Variants in ZBBX observed in about 807,000 individuals in gnomAD.
The protein encoded by ZBBX is zinc finger B-box domain containing, also known as zinc finger B-box domain-containing protein 1.
In ZBBX, 101 loss-of-function variants were observed where a neutral mutation model predicts 108.5. The ratio of observed to expected loss-of-function variants is 0.93; its 90% confidence interval spans 0.79 to 1.10. The LOEUF (loss-of-function observed/expected upper bound fraction) is 1.10. ZBBX is among the 50% of genes least tolerant of loss of function. The pLI is 0.00. For synonymous variants in ZBBX, 356 were observed against 323.4 expected (o/e 1.10, Z -1.08); for missense variants, 1,009 against 941.4 (o/e 1.07, Z -0.94).
intron 16 of ZBBX, 51 bp downstream of exon 16, chr3:167,313,923 A>G (rs1178222709): frequency 6.9e-7 from 1 of 1,457,094 alleles, no homozygotes; most frequent in Admixed American, 2.4e-5. Flanking sequence ...CTGCAATAGT[A>G]AATTATCAAC....
chr3:167,217,891 A>ATTT, the ZBBX span, among the ~76,000 whole-genome samples: 2 of 141,850 alleles, frequency 1.4e-5, no homozygotes, highest in African/African-American at 2.6e-5. Context: ...TGTTCTCACT[A>ATTT]TTTTTTTTTT....
the ZBBX span, among the ~76,000 whole-genome samples, chr3:167,193,613 C>T: frequency 6.6e-6 from 1 of 152,084 alleles, no homozygotes; most frequent in Non-Finnish European, 1.5e-5. Context: ...AGTCAGCTTG[C>T]TTCTCCACCA....
intron 20 of ZBBX, among the ~76,000 whole-genome samples, chr3:167,271,572 C>G (rs73879647): frequency 0.017 from 2,630 of 152,288 alleles, 75 homozygotes; most frequent in African/African-American, 0.06. Flanking sequence ...TCCTGCCTCA[C>G]TTGCATCAAG....
chr3:167,315,385 A>G (rs1256864316), intron 15 of ZBBX, among the ~76,000 whole-genome samples: 1 of 152,160 alleles, frequency 6.6e-6, no homozygotes, highest in Non-Finnish European at 1.5e-5. Context: ...TTTAGGGTTC[A>G]TAGAAAACTG....
chr3:167,264,059 A>G (rs1459606815), intron 20 of ZBBX, among the ~76,000 whole-genome samples: 1 of 152,128 alleles, frequency 6.6e-6, no homozygotes, highest in South Asian at 2.1e-4. Context: ...TTGTCATAGA[A>G]TATCTTTTTT....
In ZBBX at chr3:167,286,026, G is replaced by A. The variant is rs536397657; in HGVS notation, c.1996+2841C>T. On this transcript the variant is annotated intron_variant, in intron 19 of 21. Coordinates refer to ENST00000675490, the MANE Select transcript of ZBBX (RefSeq NM_001199201.2). ...ACAAGAAAAATAAAAGAAGGTAAAT[G>A]TGATAGAGGAACTCAAGAGACCAGC... is the stretch of plus-strand genomic sequence containing the variant. 8.5e-5 allele frequency among the ~76,000 whole-genome samples: 13 copies of A among 152,308 alleles called. No homozygotes were observed. In the South Asian group the frequency reaches 2.7e-3, roughly 32 times the overall value.
intron 17 of ZBBX, among the ~76,000 whole-genome samples, chr3:167,299,580 T>C (rs761719701): frequency 3.9e-5 from 6 of 152,112 alleles, no homozygotes; most frequent in Non-Finnish European, 8.8e-5. Context: ...CTATTGATAG[T>C]TTTAGAGCCA....
intron 20 of ZBBX, 57 bp from the exon 21 acceptor site, chr3:167,242,700 G>T: frequency 6.7e-7 from 1 of 1,495,978 alleles, no homozygotes; most frequent in Non-Finnish European, 9.0e-7. Context: ...CAAATATACA[G>T]CATATGGTGC....
At chr3:167,394,428 T>C (rs1417433906) in intron 1 of ZBBX, among the ~76,000 whole-genome samples, 1 of 151,926 alleles carries the variant, frequency 6.6e-6, no homozygotes, top group Non-Finnish European at 1.5e-5. Flanking sequence ...CAATTTAGGA[T>C]TTAATAATCT....
intron 17 of ZBBX, among the ~76,000 whole-genome samples, chr3:167,302,385 A>T (rs1470896065): frequency 2.6e-5 from 4 of 152,098 alleles, no homozygotes; most frequent in Admixed American, 2.6e-4. Context: ...TCTTTCTATT[A>T]AATAGTTGAT....
chr3:167,278,544 A>C (rs1479588060), intron 20 of ZBBX, among the ~76,000 whole-genome samples: 5 of 144,770 alleles, frequency 3.5e-5, no homozygotes, highest in Non-Finnish European at 7.5e-5. Flanking sequence ...CCCAAGACTA[A>C]ACCAGGAAGA....
chr3:167,278,178 C>T (rs1279887800), intron 20 of ZBBX, among the ~76,000 whole-genome samples: 3 of 125,744 alleles, frequency 2.4e-5, no homozygotes, highest in Non-Finnish European at 4.9e-5. Context: ...CCTAACATCA[C>T]AATTAAAAGA....
At chr3:167,381,500 G>A (rs1451806664), upstream of ZBBX, among the ~76,000 whole-genome samples, 1 of 152,202 alleles carries the variant, frequency 6.6e-6, no homozygotes, top group Non-Finnish European at 1.5e-5. Flanking sequence ...AAACAGTGGT[G>A]CTGGTGTGGC....
chr3:167,185,303 C>T, the ZBBX span, among the ~76,000 whole-genome samples: 2 of 152,044 alleles, frequency 1.3e-5, no homozygotes, highest in Non-Finnish European at 2.9e-5. Flanking sequence ...AGTTATATAA[C>T]ATCCTTTCGG....
At chr3:167,354,226 T>C (rs937515526) in intron 8 of ZBBX, among the ~76,000 whole-genome samples, 2 of 151,914 alleles carry the variant, frequency 1.3e-5, no homozygotes, top group African/African-American at 4.8e-5. Flanking sequence ...TTACCACATA[T>C]CACTAGCCTG....
chr3:167,374,307 T>C lies in ZBBX; in HGVS notation c.-131-520A>G, dbSNP rs575576143. On this transcript the variant is annotated intron_variant, in intron 2 of 21. Coordinates refer to ENST00000675490, the MANE Select transcript of ZBBX (RefSeq NM_001199201.2). ...TTTCAACAAGAAACAAAAAGGATTTTCTGCTTAACTTTGAGTTAACCAGAA... is the reference window on the plus strand; with the variant it reads ...TTTCAACAAGAAACAAAAAGGATTTCCTGCTTAACTTTGAGTTAACCAGAA... 2.1e-4 allele frequency among the ~76,000 whole-genome samples: 32 copies of C among 152,310 alleles called. 1 individual carries two copies. Among genetic ancestry groups the C allele is most frequent in the African/African-American group, 7.5e-4 (31 of 41,574 alleles).
chr3:167,315,337 T>C (rs2108284398), intron 15 of ZBBX, among the ~76,000 whole-genome samples: 1 of 152,270 alleles, frequency 6.6e-6, no homozygotes, highest in South Asian at 2.1e-4. Context: ...ACAGGAGCTC[T>C]TTTAGTCTCT....
chr3:167,268,613 A>C (rs1725982814), intron 20 of ZBBX, among the ~76,000 whole-genome samples: 1 of 152,168 alleles, frequency 6.6e-6, no homozygotes, highest in Admixed American at 6.5e-5. Context: ...GAAGGACCAA[A>C]CGAGACAATA....
At chr3:167,322,077 C>T (rs1736537640) in intron 12 of ZBBX, 40 bp downstream of exon 12, 1 of 1,109,610 alleles carries the variant, frequency 9.0e-7, no homozygotes. Context: ...ACATAAATAA[C>T]TTTCATATTT....
Sources: allele counts gnomAD v4.1 joint callset (sites outside exome capture counted in the v4.1 genomes callset), GRCh38; gene constraint gnomAD v4.1.1; transcripts MANE v1.5; gene names NCBI Gene and HGNC (gene_info 2026-07-23, HGNC 2026-07-21).